The following ZNF354B variants were observed in gnomAD, a reference collection of about 807,000 sequenced individuals.
ZNF354B encodes the protein zinc finger protein 354B.
A neutral mutation model predicts 12.9 loss-of-function variants in ZNF354B; 10 were observed. That is an observed-to-expected ratio of 0.77 (90% CI 0.48 to 1.31). ZNF354B has a LOEUF of 1.31. Ranked by LOEUF, ZNF354B falls within the 40% of genes most tolerant of loss-of-function variation. The pLI is 0.00. For synonymous variants in ZNF354B, 260 were observed against 243.7 expected (o/e 1.07, Z -0.62); for missense variants, 614 against 711.7 (o/e 0.86, Z 1.56).
rs757768561 is a variant in ZNF354B, at chr5:178,882,839, G to T, written c.387G>T (p.Glu129Asp). The T allele has an allele frequency of 3.1e-6, 5 of 1,606,294 alleles. No homozygotes were observed. The highest frequency in any genetic ancestry group is 2.2e-5 in the East Asian group (1 of 44,778). The change falls in exon 5 of 5, where the codon GAG becomes GAT. Residue 129 changes from glutamate to aspartate, a missense_variant. Physicochemically the swap from Glu to Asp is conservative, Grantham distance 45. Coordinates refer to ENST00000322434, the MANE Select transcript of ZNF354B (RefSeq NM_058230.3). ...FISERSCIYE[E>D]KLKKQQDKNE... ...CAGAAAGATCCTGCATATATGAAGAGAAATTAAAGAAACAGCAGGACAAAA... is the reference window on the plus strand; with the variant it reads ...CAGAAAGATCCTGCATATATGAAGATAAATTAAAGAAACAGCAGGACAAAA...
At chr5:178,881,638 C>CAGTG (rs112160123) in intron 4 of ZNF354B, among the ~76,000 whole-genome samples, 84,801 of 151,532 alleles carry the variant, frequency 0.56, 24,389 homozygotes, top group Non-Finnish European at 0.61. Flanking sequence ...CCAGCTACTT[C>CAGTG]AGTGAGTTTT....
At chr5:178,876,765 G>A (rs963334743) in intron 4 of ZNF354B, among the ~76,000 whole-genome samples, 2 of 151,824 alleles carry the variant, frequency 1.3e-5, no homozygotes, top group Non-Finnish European at 1.5e-5. Flanking sequence ...TTGATACTTC[G>A]ATTTGTTCAT....
Position 178,867,168 on chromosome 5 carries a change from T to A in ZNF354B, c.256+97T>A, listed in dbSNP as rs539846057. The A allele has an allele frequency of 2.9e-4, 343 of 1,185,524 alleles. 5 individuals carry two copies. In the South Asian group the frequency reaches 3.4e-3, roughly 12 times the overall value. The allele number at this position is 1,185,524 out of a possible 1,614,324, so 73.4% of individuals were successfully genotyped here. A position where few individuals can be genotyped will look rare whatever the true frequency, so the allele number is the denominator to read the frequency against. ...ATTGGTTGGGAAACTCCCTTGAGAATTCTCAGGCCTCAAGAAGTGGTGGGG... is the reference window on the plus strand; with the variant it reads ...ATTGGTTGGGAAACTCCCTTGAGAAATCTCAGGCCTCAAGAAGTGGTGGGG... On this transcript the variant is annotated intron_variant, in intron 4 of 4. Coordinates refer to ENST00000322434, the MANE Select transcript of ZNF354B (RefSeq NM_058230.3).
intron 2 of ZNF354B, among the ~76,000 whole-genome samples, chr5:178,863,206 T>G (rs1757388681): frequency 6.6e-6 from 1 of 152,168 alleles, no homozygotes; most frequent in Non-Finnish European, 1.5e-5. Context: ...AGGGTTATGG[T>G]GTAAATTTTA....
Position 178,882,900 on chromosome 5 carries a change from A to C in ZNF354B, c.448A>C (p.Lys150Gln), listed in dbSNP as rs754211857. 1 of 1,599,324 alleles carries C rather than the reference A, an allele frequency of 6.3e-7. No individual in the cohort carries two copies. The highest frequency in any genetic ancestry group is 1.2e-5 in the South Asian group (1 of 86,716). The stretch of plus-strand genomic sequence containing the variant: ...ACAAATAATTTCAGTTGCCCATACA[A>C]AAATCCTTACTGTAGATAGAAGCCA... ...NLQIISVAHT[K>Q]ILTVDRSHKN... The change falls in exon 5 of 5, where the codon AAA becomes CAA. Residue 150 changes from lysine (K) to glutamine (Q), a missense_variant. Transcript: ENST00000322434.
At chr5:178,870,143 G>C (rs1413831622) in intron 4 of ZNF354B, among the ~76,000 whole-genome samples, 2 of 152,056 alleles carry the variant, frequency 1.3e-5, no homozygotes, top group African/African-American at 4.8e-5. Context: ...CCCTGTCTGT[G>C]TTTATATAAC....
intron 2 of ZNF354B, among the ~76,000 whole-genome samples, 192 bp from the exon 3 acceptor site, chr5:178,866,052 G>C (rs1306360825): frequency 6.6e-6 from 1 of 152,200 alleles, no homozygotes; most frequent in East Asian, 1.9e-4. Flanking sequence ...GGCTGCACTA[G>C]GCCTGAATCT....
chr5:178,865,624 G>A (rs1757435400), intron 2 of ZNF354B, among the ~76,000 whole-genome samples: 1 of 152,040 alleles, frequency 6.6e-6, no homozygotes, highest in Non-Finnish European at 1.5e-5. Flanking sequence ...TGTAAAATGG[G>A]AACGATAACT....
intron 4 of ZNF354B, among the ~76,000 whole-genome samples, chr5:178,873,503 T>G (rs1400442813): frequency 6.6e-6 from 1 of 152,216 alleles, no homozygotes; most frequent in Non-Finnish European, 1.5e-5. Context: ...ATGCGAATCT[T>G]CAGTTGCTCC....
rs775949762 is a variant in ZNF354B at position 178,866,317 on chromosome 5, G to A, written c.107G>A (p.Arg36Lys). ...DEWRKLAPSQ[R>K]NLYRDVMLEN... ...TGGAGAAAGCTGGCTCCTTCTCAGA[G>A]AAACTTGTACCGGGATGTGATGCTG... is the stretch of plus-strand genomic sequence containing the variant. Residue 36 changes from arginine (R) to lysine (K), a missense_variant, in exon 3 of 5, where the codon AGA (arginine) becomes AAA (lysine). Coordinates refer to ENST00000322434, the MANE Select transcript of ZNF354B (RefSeq NM_058230.3). 3 of 1,614,114 alleles carry A rather than the reference G, an allele frequency of 1.9e-6. No individual in the cohort carries two copies. In the South Asian group the frequency reaches 3.3e-5, roughly 18 times the overall value.
chr5:178,870,193 C>G (rs1019750737), intron 4 of ZNF354B, among the ~76,000 whole-genome samples: 1 of 152,120 alleles, frequency 6.6e-6, no homozygotes, highest in South Asian at 2.1e-4. Context: ...AAAACCTACC[C>G]TTTGAACAGC....
chr5:178,879,176 G>A (rs575955368), intron 4 of ZNF354B, among the ~76,000 whole-genome samples: 1 of 151,718 alleles, frequency 6.6e-6, no homozygotes, highest in East Asian at 2.0e-4. Context: ...AGCCTCCCGA[G>A]TAGCTGGGAT....
chr5:178,876,927 C>CTTTTTTTTTTTTT (rs71589405), intron 4 of ZNF354B, among the ~76,000 whole-genome samples: 3 of 141,416 alleles, frequency 2.1e-5, no homozygotes, highest in Non-Finnish European at 1.5e-5. Context: ...TTTTTTATGC[C>CTTTTTTTTTTTTT]TTTTTTTTTT....
intron 4 of ZNF354B, among the ~76,000 whole-genome samples, chr5:178,873,911 A>G (rs1363107865): frequency 6.8e-6 from 1 of 146,636 alleles, no homozygotes; most frequent in African/African-American, 2.5e-5. Flanking sequence ...TTCTTCCATC[A>G]GTGTTTGTAG....
chr5:178,881,388 A>C (rs986918277), intron 4 of ZNF354B, among the ~76,000 whole-genome samples: 3 of 152,200 alleles, frequency 2.0e-5, no homozygotes, highest in African/African-American at 7.2e-5. Flanking sequence ...TCTGAGGTTG[A>C]GAAATCCTTA....
chr5:178,869,951 A>T (rs1290844403), intron 4 of ZNF354B, among the ~76,000 whole-genome samples: 1 of 152,008 alleles, frequency 6.6e-6, no homozygotes, highest in Non-Finnish European at 1.5e-5. Context: ...CTTCATTGAG[A>T]GCGTGGTTGA....
chr5:178,873,977 T>G (rs1757599849), intron 4 of ZNF354B, among the ~76,000 whole-genome samples: 2 of 145,092 alleles, frequency 1.4e-5, no homozygotes. Context: ...TGAGATGGAG[T>G]CTCACACACT....
At chr5:178,866,431 C>T (rs1326357673) in intron 3 of ZNF354B, 61 bp downstream of exon 3, 7 of 1,561,528 alleles carry the variant, frequency 4.5e-6, no homozygotes, top group African/African-American at 4.1e-5. Context: ...GCACCTCCTT[C>T]CCTGAATAAA....
At chr5:178,868,837 T>C (rs2114012943) in intron 4 of ZNF354B, among the ~76,000 whole-genome samples, 2 of 152,022 alleles carry the variant, frequency 1.3e-5, no homozygotes, top group African/African-American at 4.8e-5. Flanking sequence ...CCGGGCATGG[T>C]GGCGGGCGCC....
Sources: gnomAD v4.1 joint callset for allele counts (sites outside exome capture counted in the v4.1 genomes callset) on GRCh38, gnomAD v4.1.1 for gene constraint, MANE v1.5 for transcripts, NCBI Gene and HGNC (gene_info 2026-07-23, HGNC 2026-07-21) for gene names.